Variants in BRIP1 observed in about 807,000 individuals in gnomAD.
BRIP1 encodes BRCA1 interacting DNA helicase 1.
In BRIP1, 88 loss-of-function variants were observed where a neutral mutation model predicts 119.7. That is an observed-to-expected ratio of 0.74 (90% CI 0.62 to 0.88). The LOEUF (loss-of-function observed/expected upper bound fraction) is 0.88. BRIP1 is among the 40% of genes least tolerant of loss of function. BRIP1 has a pLI of 0.00. For missense variants in BRIP1, 1,259 were observed against 1,455.4 expected (o/e 0.87, Z 2.20); for synonymous variants, 443 against 496.5 (o/e 0.89, Z 1.43).
intron 16 of BRIP1, among the ~76,000 whole-genome samples, chr17:61,741,457 C>T (rs942754609): frequency 2.6e-5 from 4 of 152,168 alleles, no homozygotes; most frequent in African/African-American, 7.2e-5. Context: ...TCGACTGTGT[C>T]CAGATGCATC....
Position 61,743,708 on chromosome 17 carries a change from G to C in BRIP1, c.2258-574C>G, listed in dbSNP as rs561999816. Among the ~76,000 whole-genome samples, 11 of 152,122 alleles carry C rather than the reference G, an allele frequency of 7.2e-5. No individual in the cohort carries two copies. Among genetic ancestry groups the C allele is most frequent in the African/African-American group, 2.4e-4 (10 of 41,494 alleles). On this transcript the variant is annotated intron_variant, in intron 15 of 19. Transcript: ENST00000259008. The surrounding 1 kb of genome is among the most constrained non-coding windows in gnomAD (Gnocchi z 4.3). ...TTATTTTATTATTTTTTGTGTGTGA[G>C]ACAGGGTCTCACTCTGTCAGCCAGG...
In BRIP1 at chr17:61,703,728, G is replaced by T. The variant is rs562974114; in HGVS notation, c.2493-10216C>A. On this transcript the variant is annotated intron_variant, in intron 17 of 19. Coordinates refer to ENST00000259008, the MANE Select transcript of BRIP1 (RefSeq NM_032043.3). This position sits in a 1 kb window ranked among gnomAD's most constrained non-coding sequence, Gnocchi z 5.0. Reference sequence around the variant, plus strand: ...CTTTGCTAGAGCCTATGTCCAGAATGATATTTCCTAGGTTTTCTTCAAGGG... The same window carrying T: ...CTTTGCTAGAGCCTATGTCCAGAATTATATTTCCTAGGTTTTCTTCAAGGG... Among the ~76,000 whole-genome samples, 2 of 152,084 alleles carry T rather than the reference G, an allele frequency of 1.3e-5. No individual in the cohort carries two copies. Among genetic ancestry groups the T allele is most frequent in the South Asian group, 4.1e-4 (2 of 4,832 alleles).
chr17:61,861,801 G>T lies in BRIP1; in HGVS notation c.-30-232C>A. On this transcript the variant is annotated intron_variant, in intron 1 of 19. Coordinates refer to ENST00000259008, the MANE Select transcript of BRIP1 (RefSeq NM_032043.3). This position sits in a 1 kb window ranked among gnomAD's most constrained non-coding sequence, Gnocchi z 4.5. ...TCACTCTGCCAGGTATTAGTTGTGT[G>T]ACTTCGGGAAAGTTAGTTACCTTCT... The T allele has an allele frequency of 1.9e-6, 1 of 532,432 alleles. No individual in the cohort carries two copies. The highest frequency in any genetic ancestry group is 2.1e-5 in the South Asian group (1 of 48,340). The allele number at this position is 532,432 out of a possible 1,614,324, so 33.0% of individuals were successfully genotyped here. A position where few individuals can be genotyped will look rare whatever the true frequency, so the allele number is the denominator to read the frequency against.
rs2077057003 is a variant in BRIP1, at chr17:61,746,310, G to A, written c.2098-1719C>T. ...GGAATAGAGGAACAAAAAAGCTGTA[G>A]TTAGACAGAAAACAATTATTGAAAT... On this transcript the variant is annotated intron_variant, in intron 14 of 19. Transcript: ENST00000259008. The surrounding 1 kb of genome is among the most constrained non-coding windows in gnomAD (Gnocchi z 4.9). 7.3e-6 allele frequency among the ~76,000 whole-genome samples: 1 copy of A among 137,050 alleles called. No homozygotes were observed. Among genetic ancestry groups the A allele is most frequent in the Admixed American group, 7.2e-5 (1 of 13,912 alleles). 89.9% of individuals were successfully genotyped at this position (137,050 alleles called of 152,430 possible). A position where few individuals can be genotyped will look rare whatever the true frequency, so the allele number is the denominator to read the frequency against.
At position 61,826,753 on chromosome 17, in the gene BRIP1, A is replaced by AG. The variant is rs1192502247; in HGVS notation, c.628-17997_628-17996insC. On this transcript the variant is annotated intron_variant, in intron 6 of 19. Coordinates refer to ENST00000259008, the MANE Select transcript of BRIP1 (RefSeq NM_032043.3). ...AAGTAAAAAAAAAAAAAAAAAAAAA[A>AG]AAAACAGATGCCGGTGAGGTTGCAG... Among the ~76,000 whole-genome samples, 581 of 150,546 alleles carry AG rather than the reference A, an allele frequency of 3.9e-3. 2 individuals are homozygous for AG. Among genetic ancestry groups the AG allele is most frequent in the Non-Finnish European group, 6.9e-3 (466 of 67,456 alleles).
chr17:61,784,617 CAGG>C lies in BRIP1; in HGVS notation c.1474-196_1474-194del, dbSNP rs140395804. Among the ~76,000 whole-genome samples the C allele has an allele frequency of 0.026, 3,980 of 152,234 alleles. 84 individuals carry two copies. The highest frequency in any genetic ancestry group is 0.038 in the Non-Finnish European group (2,563 of 68,012). On this transcript the variant is annotated intron_variant, in intron 10 of 19. Coordinates refer to ENST00000259008, the MANE Select transcript of BRIP1 (RefSeq NM_032043.3). ...CCCCAGTAATGGAAGTGGGGCATAT[CAGG>C]AGGTTTGGGACCATGGGGGTAGATA...
chr17:61,786,122 T>C (rs779973750), intron 10 of BRIP1, among the ~76,000 whole-genome samples: 1 of 151,002 alleles, frequency 6.6e-6, no homozygotes, highest in Non-Finnish European at 1.5e-5. Flanking sequence ...ACTGGCAGAA[T>C]AGAGAGTGAA....
intron 6 of BRIP1, among the ~76,000 whole-genome samples, chr17:61,839,060 C>A (rs561718727): frequency 2.6e-5 from 4 of 151,956 alleles, no homozygotes; most frequent in South Asian, 2.1e-4. Flanking sequence ...AAAGTAATTT[C>A]CTACAAGGAA....
chr17:61,715,976 T>A lies in BRIP1; in HGVS notation c.2467A>T (p.Arg823Trp), dbSNP rs1567755628. The A allele has an allele frequency of 6.2e-7, 1 of 1,606,888 alleles. No homozygotes were observed. Residue 823 changes from arginine to tryptophan, a missense_variant, in exon 17 of 20, where the codon AGG (arginine) becomes TGG (tryptophan). This residue lies in a region of BRIP1 where 753 missense variants were observed against 891.8 expected (regional missense o/e 0.84). Coordinates refer to ENST00000259008, the MANE Select transcript of BRIP1 (RefSeq NM_032043.3). ...CTACCAAGGGCCTGGTTTAAGGCCCTGTATGCTTGAATTTCATACCACTGA... is the reference window on the plus strand; with the variant it reads ...CTACCAAGGGCCTGGTTTAAGGCCCAGTATGCTTGAATTTCATACCACTGA... ...GRQWYEIQAY[R>W]ALNQALGRCI...
Position 61,743,816 on chromosome 17 carries a change from T to C in BRIP1, c.2257+616A>G, listed in dbSNP as rs1461840881. ...AATCCTCCCACCTCGGCCTCCTAAG[T>C]AGTTGGAACTATAGGCACATGCACC... On this transcript the variant is annotated intron_variant, in intron 15 of 19. Transcript: ENST00000259008. This position sits in a 1 kb window ranked among gnomAD's most constrained non-coding sequence, Gnocchi z 4.3. Among the ~76,000 whole-genome samples the C allele has an allele frequency of 2.0e-5, 3 of 152,054 alleles. No homozygotes were observed. Among genetic ancestry groups the C allele is most frequent in the African/African-American group, 7.3e-5 (3 of 41,368 alleles).
At chr17:61,835,046 T>C (rs995624009) in intron 6 of BRIP1, among the ~76,000 whole-genome samples, 1 of 152,252 alleles carries the variant, frequency 6.6e-6, no homozygotes, top group African/African-American at 2.4e-5. Context: ...GGGTTGATAT[T>C]GAGGAGACAG....
intron 16 of BRIP1, among the ~76,000 whole-genome samples, chr17:61,733,347 G>A (rs1041181177): frequency 4.6e-5 from 7 of 152,052 alleles, no homozygotes; most frequent in Non-Finnish European, 7.4e-5. Flanking sequence ...GTGAGACTCT[G>A]TCTCAAAAAA....
rs200696609 is a variant in BRIP1 at position 61,713,977 on chromosome 17, TAAAA to T, written c.2492+1970_2492+1973del. On this transcript the variant is annotated intron_variant, in intron 17 of 19. Transcript: ENST00000259008. The surrounding 1 kb of genome is among the most constrained non-coding windows in gnomAD (Gnocchi z 4.9). Reference sequence around the variant, plus strand: ...AAGTGTTGTAAAAGAGTCAAAAAGGTAAAAAAAAAGATAAAAAGATAAAAAGTTT... The same window carrying T: ...AAGTGTTGTAAAAGAGTCAAAAAGGTAAAAAGATAAAAAGATAAAAAGTTT... Among the ~76,000 whole-genome samples the T allele has an allele frequency of 2.7e-5, 4 of 150,308 alleles. No homozygotes were observed. Among genetic ancestry groups the T allele is most frequent in the Admixed American group, 6.6e-5 (1 of 15,098 alleles).
rs1331570503 is a variant in BRIP1 at position 61,842,677 on chromosome 17, G to T, written c.627+4424C>A. ...AATCTTTTATCAGCAGCAGCTAAAGGTAAGAACTACAAATATGTATCCATC... is the reference window on the plus strand; with the variant it reads ...AATCTTTTATCAGCAGCAGCTAAAGTTAAGAACTACAAATATGTATCCATC... On this transcript the variant is annotated intron_variant, in intron 6 of 19. Transcript: ENST00000259008. The surrounding 1 kb of genome is among the most constrained non-coding windows in gnomAD (Gnocchi z 5.1). Among the ~76,000 whole-genome samples the T allele has an allele frequency of 6.6e-6, 1 of 152,122 alleles. No individual in the cohort carries two copies. The highest frequency in any genetic ancestry group is 1.5e-5 in the Non-Finnish European group (1 of 68,036).
At chr17:61,818,350 C>A (rs2078269582) in intron 6 of BRIP1, among the ~76,000 whole-genome samples, 1 of 152,150 alleles carries the variant, frequency 6.6e-6, no homozygotes, top group Non-Finnish European at 1.5e-5. Flanking sequence ...AAGGCTGAAC[C>A]TAATATCCAC....
Position 61,722,572 on chromosome 17 carries a change from C to A in BRIP1, c.2380-6509G>T, listed in dbSNP as rs1325297022. Among the ~76,000 whole-genome samples, 3 of 152,158 alleles carry A rather than the reference C, an allele frequency of 2.0e-5. No homozygotes were observed. Among genetic ancestry groups the A allele is most frequent in the African/African-American group, 4.8e-5 (2 of 41,426 alleles). On this transcript the variant is annotated intron_variant, in intron 16 of 19. Coordinates refer to ENST00000259008, the MANE Select transcript of BRIP1 (RefSeq NM_032043.3). The surrounding 1 kb of genome is among the most constrained non-coding windows in gnomAD (Gnocchi z 4.6). Reference sequence around the variant, plus strand: ...AGCTTCTCTTCTTTAACAATATTTTCCTCAAAGAAAGTTGACATCTACTTT... The same window carrying A: ...AGCTTCTCTTCTTTAACAATATTTTACTCAAAGAAAGTTGACATCTACTTT...
chr17:61,781,984 T>C (rs1000229381), intron 11 of BRIP1, among the ~76,000 whole-genome samples: 3 of 151,944 alleles, frequency 2.0e-5, no homozygotes, highest in Non-Finnish European at 4.4e-5. Flanking sequence ...TATTTCCTTA[T>C]TCATTTCACT....
At position 61,691,909 on chromosome 17, in the gene BRIP1, A is replaced by G. The variant is rs1016165325; in HGVS notation, c.2575+1521T>C. ...GTATGGTACTGGCATAAAGAGAACCATATAAGCCAATGGAACATAATAGAG... is the reference window on the plus strand; with the variant it reads ...GTATGGTACTGGCATAAAGAGAACCGTATAAGCCAATGGAACATAATAGAG... On this transcript the variant is annotated intron_variant, in intron 18 of 19. Transcript: ENST00000259008. The surrounding 1 kb of genome is among the most constrained non-coding windows in gnomAD (Gnocchi z 5.0). Among the ~76,000 whole-genome samples, 1 of 152,268 alleles carries G rather than the reference A, an allele frequency of 6.6e-6. No individual in the cohort carries two copies. The highest frequency in any genetic ancestry group is 2.4e-5 in the African/African-American group (1 of 41,480).
rs1001946800 is a variant in BRIP1, at chr17:61,706,742, A to G, written c.2492+9209T>C. Among the ~76,000 whole-genome samples the G allele has an allele frequency of 6.6e-6, 1 of 152,134 alleles. No individual in the cohort carries two copies. Among genetic ancestry groups the G allele is most frequent in the African/African-American group, 2.4e-5 (1 of 41,424 alleles). The stretch of plus-strand genomic sequence containing the variant: ...GAGTCACATAGTGCACTATAATTAG[A>G]TTTCCTTTATTGTACAAGACTTTTT... On this transcript the variant is annotated intron_variant, in intron 17 of 19. Transcript: ENST00000259008. This position sits in a 1 kb window ranked among gnomAD's most constrained non-coding sequence, Gnocchi z 5.7.
Sources: allele counts gnomAD v4.1 joint callset (sites outside exome capture counted in the v4.1 genomes callset), GRCh38; gene constraint gnomAD v4.1.1; regional missense constraint gnomAD v4.1.1; non-coding constraint Gnocchi (gnomAD v3.1); transcripts MANE v1.5; gene names NCBI Gene and HGNC (gene_info 2026-07-23, HGNC 2026-07-21).